The following BARX2 variants were observed in gnomAD, a reference collection of about 807,000 sequenced individuals.
The protein encoded by BARX2 is homeobox protein BarH-like 2.
Under a neutral mutation model 25.5 loss-of-function variants are expected in BARX2, and 11 were observed. The observed-to-expected ratio is 0.43, with a 90% CI of 0.27 to 0.71. The LOEUF (loss-of-function observed/expected upper bound fraction) is 0.71, where lower values mean the gene tolerates loss of function less well. BARX2 is among the 30% of genes least tolerant of loss of function. The probability of loss-of-function intolerance (pLI) is 0.19; values close to 1 mark genes in which losing one functional copy is unlikely to be tolerated. For synonymous variants in BARX2, 137 were observed against 149.5 expected (o/e 0.92, Z 0.61); for missense variants, 360 against 359.9 (o/e 1.00, Z 0.00).
Position 129,376,019 on chromosome 11 carries a change from G to T in BARX2, c.-17G>T, listed in dbSNP as rs761111467. The T allele has an allele frequency of 1.2e-5, 17 of 1,455,896 alleles. No individual in the cohort carries two copies. The East Asian group carries it at 3.1e-4, about 27-fold the overall frequency. The allele number at this position is 1,455,896 out of a possible 1,614,324, so 90.2% of individuals were successfully genotyped here. A position where few individuals can be genotyped will look rare whatever the true frequency, so the allele number is the denominator to read the frequency against. On this transcript the variant is annotated 5_prime_UTR_variant, in exon 1 of 4. Transcript: ENST00000281437. This position sits in a 1 kb window ranked among gnomAD's most constrained non-coding sequence, Gnocchi z 4.2. ...CGCAGCCGCGCTCGGGCCGGCGGAC[G>T]CTCGCGCCGGCTCACCATGCACTGC...
intron 3 of BARX2, among the ~76,000 whole-genome samples, chr11:129,446,801 T>G (rs1277281389): frequency 6.6e-6 from 1 of 152,122 alleles, no homozygotes; most frequent in Non-Finnish European, 1.5e-5. Flanking sequence ...AGTCAGCTAA[T>G]GGGAGCAGCA....
intron 1 of BARX2, among the ~76,000 whole-genome samples, chr11:129,435,015 AAGAT>A (rs1368473352): frequency 6.6e-6 from 1 of 152,252 alleles, no homozygotes; most frequent in Non-Finnish European, 1.5e-5. Flanking sequence ...CTGCTAAAGA[AAGAT>A]AGTCTCTTTT....
intron 1 of BARX2, among the ~76,000 whole-genome samples, chr11:129,381,854 T>A (rs1234792627): frequency 6.6e-6 from 1 of 152,208 alleles, no homozygotes; most frequent in Non-Finnish European, 1.5e-5. Flanking sequence ...TTCTTGAGGC[T>A]GCACAGATTC....
chr11:129,411,767 A>G (rs1239483039), intron 1 of BARX2, among the ~76,000 whole-genome samples: 4 of 152,228 alleles, frequency 2.6e-5, no homozygotes, highest in African/African-American at 9.6e-5. Context: ...ATTAAATTAG[A>G]ATCTCTGCGG....
At chr11:129,416,762 G>C (rs548591611) in intron 1 of BARX2, among the ~76,000 whole-genome samples, 1 of 151,894 alleles carries the variant, frequency 6.6e-6, no homozygotes, top group Non-Finnish European at 1.5e-5. Context: ...AAATGTAACC[G>C]ACTGGATGGA....
chr11:129,449,118 T>G (rs1273410654), intron 3 of BARX2, among the ~76,000 whole-genome samples: 1 of 152,150 alleles, frequency 6.6e-6, no homozygotes, highest in Non-Finnish European at 1.5e-5. Context: ...GTTGGAAAAT[T>G]GCATTGTGGT....
intron 1 of BARX2, among the ~76,000 whole-genome samples, chr11:129,389,786 C>G (rs1861649338): frequency 6.7e-6 from 1 of 150,232 alleles, no homozygotes; most frequent in Non-Finnish European, 1.5e-5. Flanking sequence ...AGGAAAATAA[C>G]TCCACTGAGA....
intron 1 of BARX2, among the ~76,000 whole-genome samples, chr11:129,379,692 T>G (rs1325001974): frequency 6.6e-6 from 1 of 152,048 alleles, no homozygotes; most frequent in African/African-American, 2.4e-5. Context: ...TGAGAAAAAA[T>G]GGATAACTTG....
At position 129,378,648 on chromosome 11, in the gene BARX2, G is replaced by A. The variant is rs1379169468; in HGVS notation, c.187+2426G>A. 2.1e-5 allele frequency among the ~76,000 whole-genome samples: 3 copies of A among 145,762 alleles called. No individual in the cohort carries two copies. In the Admixed American group the frequency reaches 2.1e-4, roughly 10 times the overall value. On this transcript the variant is annotated intron_variant, in intron 1 of 3. Transcript: ENST00000281437. ...AATGCATAAAAAGTTCAAGTGAAAGGCATACATTGGAATTAAAGTTACTGA... is the reference window on the plus strand; with the variant it reads ...AATGCATAAAAAGTTCAAGTGAAAGACATACATTGGAATTAAAGTTACTGA...
intron 1 of BARX2, among the ~76,000 whole-genome samples, chr11:129,412,816 CAGTT>C (rs1861903846): frequency 6.6e-6 from 1 of 152,160 alleles, no homozygotes; most frequent in South Asian, 2.1e-4. Context: ...CCTCTTACCT[CAGTT>C]AGGGACTATT....
chr11:129,412,504 C>T (rs1180166697), intron 1 of BARX2, among the ~76,000 whole-genome samples: 1 of 152,184 alleles, frequency 6.6e-6, no homozygotes, highest in Admixed American at 6.5e-5. Context: ...CAACAGAGGT[C>T]CTGCTCCTTG....
At chr11:129,397,559 C>T (rs73024946) in intron 1 of BARX2, among the ~76,000 whole-genome samples, 13,764 of 152,232 alleles carry the variant, frequency 0.09, 762 homozygotes, top group East Asian at 0.25. Context: ...GGAAAGCTAA[C>T]AACACTTATC....
At chr11:129,407,972 C>T (rs541758521) in intron 1 of BARX2, among the ~76,000 whole-genome samples, 4 of 120,882 alleles carry the variant, frequency 3.3e-5, no homozygotes, top group South Asian at 5.9e-4. Context: ...GAGGCCAAGG[C>T]GGGCCGATCA....
chr11:129,394,893 C>T (rs535606540), intron 1 of BARX2, among the ~76,000 whole-genome samples: 2 of 150,874 alleles, frequency 1.3e-5, no homozygotes, highest in South Asian at 4.2e-4. Context: ...TGTGCAAAGG[C>T]ACCGAGGTTT....
In BARX2 at chr11:129,436,920, C is replaced by T. The variant is rs757889128; in HGVS notation, c.357C>T (p.Ser119=). 29 of 1,613,788 alleles carry T rather than the reference C, an allele frequency of 1.8e-5. 1 individual carries two copies. The highest frequency in any genetic ancestry group is 3.3e-4 in the Middle Eastern group (2 of 6,084). The part of the protein sequence containing the change: ...EAPGGEALAS[S]ESETEQPTPR... Reference sequence around the variant, plus strand: ...CAGGGGGCGAGGCCCTAGCCAGCAGCGAGTCAGAGACGGAACAGCCCACGC... The same window carrying T: ...CAGGGGGCGAGGCCCTAGCCAGCAGTGAGTCAGAGACGGAACAGCCCACGC... Residue 119 remains serine (S), a synonymous_variant, in exon 2 of 4, where the codon AGC becomes AGT. Coordinates refer to ENST00000281437, the MANE Select transcript of BARX2 (RefSeq NM_003658.5). The surrounding 1 kb of genome is among the most constrained non-coding windows in gnomAD (Gnocchi z 4.5).
chr11:129,414,907 G>A (rs1405818692), intron 1 of BARX2, among the ~76,000 whole-genome samples: 2 of 152,214 alleles, frequency 1.3e-5, no homozygotes, highest in Non-Finnish European at 2.9e-5. Flanking sequence ...CCTCAATAAT[G>A]AGATAGTAAT....
At chr11:129,386,688 A>C (rs1278244710) in intron 1 of BARX2, among the ~76,000 whole-genome samples, 2 of 152,344 alleles carry the variant, frequency 1.3e-5, no homozygotes, top group Admixed American at 1.3e-4. Context: ...CCCAACACCA[A>C]AGACGTTTTT....
intron 1 of BARX2, among the ~76,000 whole-genome samples, chr11:129,434,421 T>TAAAAAAAAAAAAAAC (rs1862165057): frequency 1.3e-5 from 1 of 76,378 alleles, no homozygotes; most frequent in Non-Finnish European, 2.4e-5. Flanking sequence ...AAAAAGTAAG[T>TAAAAAAAAAAAAAAC]AAAAAAAAAA....
chr11:129,375,487 G>C (rs1861490247), upstream of BARX2, among the ~76,000 whole-genome samples: 1 of 152,144 alleles, frequency 6.6e-6, no homozygotes, highest in Admixed American at 6.5e-5. This position sits in a 1 kb window ranked among gnomAD's most constrained non-coding sequence, Gnocchi z 4.0. Flanking sequence ...GGGGAACACT[G>C]CCCCGGGGAG....
Sources: gnomAD v4.1 joint callset for allele counts (sites outside exome capture counted in the v4.1 genomes callset) on GRCh38, gnomAD v4.1.1 for gene constraint, Gnocchi (gnomAD v3.1) non-coding constraint, MANE v1.5 for transcripts, NCBI Gene and HGNC (gene_info 2026-07-23, HGNC 2026-07-21) for gene names.